Variants in PDE1A observed in about 807,000 individuals in gnomAD.
PDE1A encodes phosphodiesterase 1A, also known as dual specificity calcium/calmodulin-dependent 3',5'-cyclic nucleotide phosphodiesterase 1A.
PDE1A carries 35 observed loss-of-function variants against 61.7 expected under a neutral mutation model. The observed-to-expected ratio is 0.57, with a 90% confidence interval of 0.43 to 0.75. The LOEUF (loss-of-function observed/expected upper bound fraction) is 0.75. PDE1A is among the 30% of genes least tolerant of loss of function. PDE1A has a pLI of 0.00. For missense variants in PDE1A, 597 were observed against 630.6 expected (o/e 0.95, Z 0.57); for synonymous variants, 232 against 213.2 (o/e 1.09, Z -0.77).
chr2:182,564,632 A>G, the PDE1A span, among the ~76,000 whole-genome samples: 6 of 152,088 alleles, frequency 3.9e-5, no homozygotes, highest in African/African-American at 1.4e-4. Context: ...CTCCTGGATA[A>G]TATACTGCAG....
intron 2 of PDE1A, among the ~76,000 whole-genome samples, chr2:182,432,423 CTGTTGTTGT>C (rs10649015): frequency 1.4e-3 from 216 of 150,936 alleles, no homozygotes; most frequent in Non-Finnish European, 1.9e-3. Context: ...TTGAGCTTTG[CTGTTGTTGT>C]TGTTGTTGTT....
At chr2:182,411,340 T>A (rs2125521399) in intron 1 of PDE1A, among the ~76,000 whole-genome samples, 1 of 152,346 alleles carries the variant, frequency 6.6e-6, no homozygotes. Flanking sequence ...GTTGCATGTA[T>A]TTTTGGTTCC....
chr2:182,583,102 T>A, the PDE1A span, among the ~76,000 whole-genome samples: 1 of 152,172 alleles, frequency 6.6e-6, no homozygotes, highest in African/African-American at 2.4e-5. Context: ...AGCTGCTTGT[T>A]CACCTGCTCT....
At chr2:182,354,963 G>A (rs532583779) in intron 1 of PDE1A, among the ~76,000 whole-genome samples, 2 of 152,064 alleles carry the variant, frequency 1.3e-5, no homozygotes, top group South Asian at 4.2e-4. Flanking sequence ...GGTTCCTAGA[G>A]AACTTTTGAT....
the PDE1A span, among the ~76,000 whole-genome samples, chr2:182,702,935 T>C: frequency 7.6e-4 from 116 of 152,334 alleles, 1 homozygote; most frequent in African/African-American, 2.8e-3. Flanking sequence ...TTGTGATCTT[T>C]CAGATAGGAA....
rs530093297 is a variant in PDE1A, at chr2:182,212,080, C to T, written c.777-6015G>A. Among the ~76,000 whole-genome samples, 405 of 152,118 alleles carry T rather than the reference C, an allele frequency of 2.7e-3. 1 individual carries two copies. The highest frequency in any genetic ancestry group is 9.5e-3 in the African/African-American group (396 of 41,516). ...GTGAGAGGGGACATCTTCCCTTGTTCACAATCTTAGTGGGAAAGCTTCAAC... is the reference window on the plus strand; with the variant it reads ...GTGAGAGGGGACATCTTCCCTTGTTTACAATCTTAGTGGGAAAGCTTCAAC... On this transcript the variant is annotated intron_variant, in intron 7 of 13. Coordinates refer to ENST00000351439, the Ensembl canonical transcript of PDE1A.
intron 7 of PDE1A, among the ~76,000 whole-genome samples, chr2:182,214,005 G>A (rs961715054): frequency 1.4e-5 from 2 of 138,592 alleles, no homozygotes; most frequent in Non-Finnish European, 3.1e-5. Context: ...AAAATGTTAA[G>A]GGCAGCCAGA....
At chr2:182,483,728 T>C (rs745392943) in intron 2 of PDE1A, among the ~76,000 whole-genome samples, 1 of 151,700 alleles carries the variant, frequency 6.6e-6, no homozygotes, top group Non-Finnish European at 1.5e-5. Context: ...TTTAAGAGCC[T>C]AGGAAAGAAA....
the PDE1A span, among the ~76,000 whole-genome samples, chr2:182,677,258 T>A: frequency 1.9e-4 from 29 of 152,254 alleles, no homozygotes; most frequent in African/African-American, 5.8e-4. Context: ...AACATTCCTA[T>A]ACACCAACAA....
chr2:182,199,017 C>T (rs1686380100), intron 10 of PDE1A, among the ~76,000 whole-genome samples: 1 of 151,948 alleles, frequency 6.6e-6, no homozygotes, highest in Non-Finnish European at 1.5e-5. Context: ...ACAAATTCAA[C>T]TTTTGAAACA....
the PDE1A span, among the ~76,000 whole-genome samples, chr2:182,559,742 G>A: frequency 2.4e-4 from 36 of 151,970 alleles, no homozygotes; most frequent in African/African-American, 7.0e-4. Flanking sequence ...GCTCATCAAC[G>A]GTGCAATAAA....
At chr2:182,538,029 C>T in the PDE1A span, among the ~76,000 whole-genome samples, 1 of 152,086 alleles carries the variant, frequency 6.6e-6, no homozygotes, top group Admixed American at 6.6e-5. Context: ...CTCTCTTTCC[C>T]ACTGATTTGG....
chr2:182,637,674 C>T, the PDE1A span, among the ~76,000 whole-genome samples: 1 of 152,146 alleles, frequency 6.6e-6, no homozygotes, highest in African/African-American at 2.4e-5. Context: ...GTAATTCCTG[C>T]ACTTTGGGAG....
intron 1 of PDE1A, among the ~76,000 whole-genome samples, chr2:182,383,706 G>A (rs1452702085): frequency 6.6e-6 from 1 of 152,004 alleles, no homozygotes; most frequent in African/African-American, 2.4e-5. Context: ...AAGAAAACCA[G>A]GTGAGAGATC....
intron 1 of PDE1A, among the ~76,000 whole-genome samples, chr2:182,350,444 CAGA>C (rs1250175264): frequency 6.6e-6 from 1 of 152,042 alleles, no homozygotes; most frequent in Non-Finnish European, 1.5e-5. Context: ...TGAGAATAAG[CAGA>C]AGTAGTTTCT....
chr2:182,552,024 T>C, the PDE1A span, among the ~76,000 whole-genome samples: 3 of 152,122 alleles, frequency 2.0e-5, no homozygotes, highest in African/African-American at 7.2e-5. Flanking sequence ...GTGGCCACTT[T>C]TTGACTTCCA....
chr2:182,433,104 C>G (rs1270035524), intron 2 of PDE1A, among the ~76,000 whole-genome samples: 1 of 152,048 alleles, frequency 6.6e-6, no homozygotes, highest in African/African-American at 2.4e-5. Context: ...ATGACAGATA[C>G]ACTGCTCCAT....
chr2:182,668,960 G>C, the PDE1A span, among the ~76,000 whole-genome samples: 1 of 152,246 alleles, frequency 6.6e-6, no homozygotes, highest in East Asian at 1.9e-4. Flanking sequence ...ATAATGCATG[G>C]GACTGTGCAC....
intron 2 of PDE1A, among the ~76,000 whole-genome samples, chr2:182,521,383 T>C (rs1690556474): frequency 6.6e-6 from 1 of 152,080 alleles, no homozygotes; most frequent in African/African-American, 2.4e-5. Context: ...AATATTTTCA[T>C]TTGAGATCTG....
Sources: gnomAD v4.1 joint callset for allele counts (sites outside exome capture counted in the v4.1 genomes callset) on GRCh38, gnomAD v4.1.1 for gene constraint, MANE v1.5 for transcripts, NCBI Gene and HGNC (gene_info 2026-07-23, HGNC 2026-07-21) for gene names.